ABCC6: variants seen among roughly 807,000 people sequenced by gnomAD.
The protein encoded by ABCC6 is ATP binding cassette subfamily C member 6.
Under a neutral mutation model 169.5 loss-of-function variants are expected in ABCC6, and 126 were observed. The ratio of observed to expected loss-of-function variants is 0.74; its 90% CI spans 0.64 to 0.86. The LOEUF is 0.86. Among genes scored for constraint, ABCC6 ranks in the 40% least tolerant of loss-of-function variants. The pLI is 0.00. For missense variants in ABCC6, 1,733 were observed against 1,927.2 expected, an observed-to-expected ratio of 0.90 and a Z score of 1.89; for synonymous variants, 752 against 814.7, an observed-to-expected ratio of 0.92 and a Z score of 1.31.
At chr16:16,177,986 AGAAAC>A (rs2047337851) in intron 18 of ABCC6, among the ~76,000 whole-genome samples, 1 of 151,206 alleles carries the variant, frequency 6.6e-6, no homozygotes. Context: ...AGAAAAGAAA[AGAAAC>A]AAAGGAAGGA....
chr16:16,193,978 T>C lies in ABCC6; in HGVS notation c.1339-1056A>G, dbSNP rs1411415130. ...CTGCTGAAGGTGGGGTCCTTCAATG[T>C]CAGGGAGGGAAACAGCCCTCTTACA... On this transcript the variant is annotated intron_variant, in intron 10 of 30. Coordinates refer to ENST00000205557, the MANE Select transcript of ABCC6 (RefSeq NM_001171.6). 3.9e-5 allele frequency among the ~76,000 whole-genome samples: 6 copies of C among 152,282 alleles called. No homozygotes were observed. In the South Asian group the frequency reaches 8.3e-4, roughly 21 times the overall value.
At chr16:16,187,096 C>T (rs2047675090) in intron 14 of ABCC6, 28 bp downstream of exon 14, 2 of 1,596,428 alleles carry the variant, frequency 1.3e-6, no homozygotes, top group South Asian at 1.1e-5. Flanking sequence ...ATCCCTCCCA[C>T]ACCCCTCCTG....
At position 16,182,422 on chromosome 16, in the gene ABCC6, A is replaced by T. The variant is rs769753486; in HGVS notation, c.2237T>A (p.Ile746Asn). 1 of 1,613,834 alleles carries T rather than the reference A, an allele frequency of 6.2e-7. No homozygotes were observed. The highest frequency in any genetic ancestry group is 8.5e-7 in the Non-Finnish European group (1 of 1,180,000). The change falls in exon 17 of 31, where the codon ATT (isoleucine) becomes AAT (asparagine). Residue 746 changes from isoleucine to asparagine, a missense_variant. Ile to Asn is a moderately radical substitution (Grantham distance 149, BLOSUM62 -3). Around this residue, in one of 5 missense-constraint regions of ABCC6, gnomAD observed 1,601 missense variants for 1,635.5 expected, o/e 0.98. Transcript: ENST00000205557. ...DSFPEGIHTS[I>N]GEQGMNLSGG... ...CCCCCAAACTCTCACCTGCTCCCCAATTGAAGTGTGGATTCCCTCAGGGAA... is the reference window on the plus strand; with the variant it reads ...CCCCCAAACTCTCACCTGCTCCCCATTTGAAGTGTGGATTCCCTCAGGGAA...
intron 26 of ABCC6, among the ~76,000 whole-genome samples, chr16:16,158,053 C>A (rs2046607666): frequency 6.6e-6 from 1 of 152,106 alleles, no homozygotes; most frequent in Non-Finnish European, 1.5e-5. Context: ...ATAAAATAAT[C>A]TCTTTTTCTA....
In ABCC6 at chr16:16,188,709, C is replaced by G. The variant is rs1213875272; in HGVS notation, c.1779+122G>C. ...TACCCGCCTCTTTTCCAGCTCCACA[C>G]CATCCCTCTCCCTCCCACTCTGTCT... On this transcript the variant is annotated intron_variant, in intron 13 of 30. Transcript: ENST00000205557. The G allele has an allele frequency of 3.6e-6, 5 of 1,379,442 alleles. No individual in the cohort carries two copies. The African/African-American group carries it at 4.3e-5, about 12-fold the overall frequency. The allele number at this position is 1,379,442 out of a possible 1,614,324, so 85.5% of individuals were successfully genotyped here.
At chr16:16,197,719 G>A (rs938269345) in intron 10 of ABCC6, among the ~76,000 whole-genome samples, 2 of 144,002 alleles carry the variant, frequency 1.4e-5, no homozygotes, top group East Asian at 2.1e-4. Context: ...TGCAAGAGGA[G>A]GGGGGCAGGA....
chr16:16,204,913 G>A (rs1387804456), intron 7 of ABCC6, among the ~76,000 whole-genome samples: 3 of 148,674 alleles, frequency 2.0e-5, no homozygotes, highest in Admixed American at 6.8e-5. Flanking sequence ...TCGGCTCACC[G>A]CAACCTCTGC....
intron 22 of ABCC6, among the ~76,000 whole-genome samples, chr16:16,168,655 C>T (rs2046958119): frequency 1.3e-5 from 2 of 152,036 alleles, no homozygotes; most frequent in African/African-American, 2.4e-5. Context: ...GAGAGCGCCT[C>T]GTGGTGAGGG....
At chr16:16,167,816 C>A (rs73525764) in intron 22 of ABCC6, among the ~76,000 whole-genome samples, 1 of 152,256 alleles carries the variant, frequency 6.6e-6, no homozygotes, top group African/African-American at 2.4e-5. Flanking sequence ...TAACCAATTT[C>A]TCTCTCTCAG....
At position 16,154,658 on chromosome 16, in the gene ABCC6, T is replaced by G; in HGVS notation, c.4178A>C (p.Tyr1393Ser). ...GTCCTCGCCTCGGTCAGCACACTTG[T>G]ACTGCAGCTGGCCGGGCAGGCTGGC... ...LVASLPGQLQ[Y>S]KCADRGEDLS... Residue 1393 changes from tyrosine (Y) to serine (S), a missense_variant, in exon 29 of 31, where the codon TAC becomes TCC. Tyr to Ser is a moderately radical substitution (Grantham distance 144). Coordinates refer to ENST00000205557, the MANE Select transcript of ABCC6 (RefSeq NM_001171.6). The G allele has an allele frequency of 2.5e-6, 4 of 1,612,892 alleles. No individual in the cohort carries two copies. The highest frequency in any genetic ancestry group is 2.5e-6 in the Non-Finnish European group (3 of 1,179,996).
intron 20 of ABCC6, among the ~76,000 whole-genome samples, chr16:16,175,414 C>T (rs924502417): frequency 1.3e-5 from 2 of 152,202 alleles, no homozygotes; most frequent in African/African-American, 4.8e-5. Flanking sequence ...CACAGTGAGC[C>T]CAGCTGTGTC....
chr16:16,177,095 G>A lies in ABCC6; in HGVS notation c.2590+357C>T, dbSNP rs535987818. Among the ~76,000 whole-genome samples, 114 of 152,136 alleles carry A rather than the reference G, an allele frequency of 7.5e-4. 1 individual carries two copies. The highest frequency in any genetic ancestry group is 1.4e-3 in the Non-Finnish European group (92 of 68,030). On this transcript the variant is annotated intron_variant, in intron 19 of 30. Transcript: ENST00000205557. ...ACTGCAAGCATAGACTCTGGAGCTG[G>A]ACATACTCAAGTTCTAATCTTGTGA...
chr16:16,172,065 G>A (rs1258106768), intron 21 of ABCC6, among the ~76,000 whole-genome samples: 22 of 14,768 alleles, frequency 1.5e-3, no homozygotes, highest in African/African-American at 4.5e-3. Context: ...GGATAAATGA[G>A]TGGGTGGGAT....
chr16:16,208,685 T>C, intron 7 of ABCC6, 43 bp downstream of exon 7: 1 of 1,613,638 alleles, frequency 6.2e-7, no homozygotes, highest in Non-Finnish European at 8.5e-7. Context: ...GATGAGCTTT[T>C]CTGAAGTAGC....
At chr16:16,208,265 G>T (rs983309035) in intron 7 of ABCC6, among the ~76,000 whole-genome samples, 1 of 152,218 alleles carries the variant, frequency 6.6e-6, no homozygotes, top group Non-Finnish European at 1.5e-5. Context: ...AGTGGGATCA[G>T]CTGGAAGGCA....
intron 11 of ABCC6, among the ~76,000 whole-genome samples, chr16:16,191,462 A>C (rs1028840736): frequency 7.9e-5 from 12 of 152,036 alleles, no homozygotes; most frequent in African/African-American, 2.9e-4. Context: ...GTTTTAGAGG[A>C]GTCCACGCAG....
chr16:16,151,463 A>C (rs1215699714), intron 29 of ABCC6, among the ~76,000 whole-genome samples: 1 of 152,222 alleles, frequency 6.6e-6, no homozygotes, highest in African/African-American at 2.4e-5. Context: ...CACTTCAGTC[A>C]TGCCGTTGCA....
intron 9 of ABCC6, among the ~76,000 whole-genome samples, chr16:16,198,732 G>T (rs562134405): frequency 1.3e-5 from 2 of 150,030 alleles, no homozygotes; most frequent in East Asian, 3.9e-4. Context: ...GGTGCCTCAC[G>T]TCTATAATCC....
In ABCC6 at chr16:16,150,781, G is replaced by A. The variant is rs376086247; in HGVS notation, c.4209-9C>T. The A allele has an allele frequency of 3.7e-6, 6 of 1,612,952 alleles. No homozygotes were observed. The highest frequency in any genetic ancestry group is 4.2e-6 in the Non-Finnish European group (5 of 1,179,756). On this transcript the variant is annotated splice_polypyrimidine_tract_variant and intron_variant, in intron 29 of 30. Coordinates refer to ENST00000205557, the MANE Select transcript of ABCC6 (RefSeq NM_001171.6). ...GCTGTTTCTGGCCCACGCTGGGAAC[G>A]ATTGGGACAATTAGCTGGGACGTGC...
Sources: gnomAD v4.1 joint callset for allele counts (sites outside exome capture counted in the v4.1 genomes callset) on GRCh38, gnomAD v4.1.1 for gene constraint, gnomAD v4.1.1 regional missense constraint, MANE v1.5 for transcripts, NCBI Gene and HGNC (gene_info 2026-07-23, HGNC 2026-07-21) for gene names.